TMEM132C: variants seen among roughly 807,000 people sequenced by gnomAD.
The protein encoded by TMEM132C is transmembrane protein 132C.
Under a neutral mutation model 61.4 loss-of-function variants are expected in TMEM132C, and 29 were observed. The observed-to-expected ratio is 0.47, with a 90% CI of 0.35 to 0.64. TMEM132C has a LOEUF of 0.64. Among genes scored for constraint, TMEM132C ranks in the 30% least tolerant of loss-of-function variants. The pLI, the probability that TMEM132C is intolerant of heterozygous loss-of-function variation, is 0.00. For synonymous variants in TMEM132C, 656 were observed against 633.1 expected (o/e 1.04, Z -0.54); for missense variants, 1,408 against 1,476.9 (o/e 0.95, Z 0.76).
chr12:128,452,312 G>C (rs1419148168), intron 2 of TMEM132C, among the ~76,000 whole-genome samples: 1 of 151,828 alleles, frequency 6.6e-6, no homozygotes, highest in Admixed American at 6.6e-5. Flanking sequence ...TGCCCAGGCT[G>C]ATCTATAGAA....
intron 1 of TMEM132C, among the ~76,000 whole-genome samples, chr12:128,357,238 T>C (rs1378986134): frequency 2.0e-5 from 3 of 152,134 alleles, no homozygotes; most frequent in Non-Finnish European, 4.4e-5. Context: ...CTGGCTGTCA[T>C]CCCGTCCTAT....
At chr12:128,553,881 T>G (rs1162688984) in intron 3 of TMEM132C, among the ~76,000 whole-genome samples, 1 of 152,206 alleles carries the variant, frequency 6.6e-6, no homozygotes, top group Non-Finnish European at 1.5e-5. Flanking sequence ...AGGAATGGCC[T>G]GCGGGAGGAG....
At chr12:128,542,853 T>G (rs1873806682) in intron 2 of TMEM132C, among the ~76,000 whole-genome samples, 1 of 112,474 alleles carries the variant, frequency 8.9e-6, no homozygotes, top group Non-Finnish European at 1.8e-5. Context: ...GAACAATACT[T>G]CGATGCAAAA....
At chr12:128,268,611 C>T (rs1870400521) in intron 1 of TMEM132C, among the ~76,000 whole-genome samples, 1 of 152,166 alleles carries the variant, frequency 6.6e-6, no homozygotes, top group Admixed American at 6.5e-5. Context: ...GTATCGGCCC[C>T]AGGCTCTGAG....
chr12:128,579,497 A>C (rs12099482), intron 3 of TMEM132C, among the ~76,000 whole-genome samples: 97,676 of 152,036 alleles, frequency 0.64, 31,989 homozygotes, highest in African/African-American at 0.68. Flanking sequence ...TTCTCTTCTC[A>C]AATACATTTG....
Position 128,387,973 on chromosome 12 carries a change from G to A in TMEM132C, c.86-26759G>A, listed in dbSNP as rs554642515. On this transcript the variant is annotated intron_variant, in intron 1 of 8. Transcript: ENST00000435159. ...CCGGCCGTCACCTGTGCCCTTCCCC[G>A]CCCTCTGGTGGCAGAGCTTAGAAAT... Among the ~76,000 whole-genome samples the A allele has an allele frequency of 3.4e-4, 52 of 152,304 alleles. No homozygotes were observed. In the South Asian group the frequency reaches 8.3e-3, roughly 24 times the overall value.
intron 2 of TMEM132C, among the ~76,000 whole-genome samples, chr12:128,493,616 C>T (rs1370276195): frequency 1.3e-5 from 2 of 152,058 alleles, no homozygotes; most frequent in African/African-American, 4.8e-5. Flanking sequence ...GAAGCAATTG[C>T]AAATTGGAGT....
At chr12:128,669,888 C>T (rs1209980049) in intron 5 of TMEM132C, among the ~76,000 whole-genome samples, 2 of 152,062 alleles carry the variant, frequency 1.3e-5, no homozygotes, top group Non-Finnish European at 2.9e-5. Context: ...GCTATTAGGC[C>T]AATGCAAAAG....
chr12:128,359,395 C>T (rs938589931), intron 1 of TMEM132C, among the ~76,000 whole-genome samples: 9 of 152,082 alleles, frequency 5.9e-5, no homozygotes, highest in African/African-American at 2.2e-4. Context: ...TACCATGAGA[C>T]CAGCATGGGG....
chr12:128,681,817 A>ATTTTTTTTTTT (rs35154554), intron 5 of TMEM132C, among the ~76,000 whole-genome samples: 665 of 86,444 alleles, frequency 7.7e-3, no homozygotes, highest in African/African-American at 0.011. Context: ...CCACGCCTGG[A>ATTTTTTTTTTT]TTTTTTTTTT....
chr12:128,512,636 A>G (rs1872601923), intron 2 of TMEM132C, among the ~76,000 whole-genome samples: 1 of 152,194 alleles, frequency 6.6e-6, no homozygotes, highest in African/African-American at 2.4e-5. Context: ...GCTGTGGGGT[A>G]AATTCTGTAA....
At chr12:128,555,856 A>G (rs1482899972) in intron 3 of TMEM132C, among the ~76,000 whole-genome samples, 1 of 152,018 alleles carries the variant, frequency 6.6e-6, no homozygotes, top group Admixed American at 6.6e-5. Context: ...CTGGGACTGC[A>G]TGTATGCACC....
intron 2 of TMEM132C, among the ~76,000 whole-genome samples, chr12:128,490,416 C>T (rs1871676560): frequency 6.6e-6 from 1 of 152,176 alleles, no homozygotes; most frequent in African/African-American, 2.4e-5. Context: ...AGCAAATTCC[C>T]CCCTTCCACA....
intron 3 of TMEM132C, among the ~76,000 whole-genome samples, chr12:128,593,973 G>C (rs770235408): frequency 1.2e-4 from 18 of 152,100 alleles, no homozygotes; most frequent in Non-Finnish European, 2.4e-4. Flanking sequence ...CTGAGTTAGA[G>C]AGCAATGGGG....
chr12:128,591,716 C>A (rs186779068), intron 3 of TMEM132C, among the ~76,000 whole-genome samples: 2 of 152,258 alleles, frequency 1.3e-5, no homozygotes, highest in African/African-American at 4.8e-5. Flanking sequence ...CAGCCTGCCC[C>A]ATTTGTCTCT....
At chr12:128,387,148 A>AG (rs1479292995) in intron 1 of TMEM132C, among the ~76,000 whole-genome samples, 1 of 151,546 alleles carries the variant, frequency 6.6e-6, no homozygotes, top group African/African-American at 2.4e-5. Flanking sequence ...CTCAAAAAAA[A>AG]AAAAAAAAAA....
intron 2 of TMEM132C, among the ~76,000 whole-genome samples, chr12:128,480,505 C>T (rs970562940): frequency 7.2e-5 from 11 of 152,204 alleles, no homozygotes; most frequent in Non-Finnish European, 1.2e-4. Flanking sequence ...CAGTCCCCGG[C>T]GAAGCCAGCC....
At chr12:128,611,021 A>C (rs1876615881) in intron 3 of TMEM132C, among the ~76,000 whole-genome samples, 1 of 152,162 alleles carries the variant, frequency 6.6e-6, no homozygotes, top group Non-Finnish European at 1.5e-5. Context: ...AAAAACAAGA[A>C]ACAGCTTCCA....
At chr12:128,660,255 C>T (rs1490212309) in intron 4 of TMEM132C, among the ~76,000 whole-genome samples, 1 of 152,172 alleles carries the variant, frequency 6.6e-6, no homozygotes, top group Non-Finnish European at 1.5e-5. Flanking sequence ...AGTCATTCCT[C>T]CTCGTCCAGG....
Sources: allele counts gnomAD v4.1 joint callset (sites outside exome capture counted in the v4.1 genomes callset), GRCh38; gene constraint gnomAD v4.1.1; transcripts MANE v1.5; gene names NCBI Gene and HGNC (gene_info 2026-07-23, HGNC 2026-07-21).